Variants in NCKAP5 observed in about 807,000 individuals in gnomAD.
NCKAP5 encodes the protein NCK associated protein 5.
Under a neutral mutation model 167.0 loss-of-function variants are expected in NCKAP5, and 92 were observed. The ratio of observed to expected loss-of-function variants is 0.55; its 90% confidence interval spans 0.47 to 0.66. The LOEUF is 0.66. Among genes scored for constraint, NCKAP5 ranks in the 30% least tolerant of loss-of-function variants. NCKAP5 has a pLI of 0.00. For missense variants in NCKAP5, 2,378 were observed against 2,315.0 expected (o/e 1.03, Z -0.56); for synonymous variants, 891 against 877.4 (o/e 1.02, Z -0.27).
intron 13 of NCKAP5, among the ~76,000 whole-genome samples, chr2:132,787,588 A>G (rs973462789): frequency 5.3e-5 from 8 of 152,176 alleles, no homozygotes; most frequent in African/African-American, 1.9e-4. Flanking sequence ...CTTGCTATCA[A>G]CAACGCACAC....
At chr2:133,332,457 T>C (rs893800286) in intron 3 of NCKAP5, among the ~76,000 whole-genome samples, 1 of 152,162 alleles carries the variant, frequency 6.6e-6, no homozygotes, top group Non-Finnish European at 1.5e-5. Flanking sequence ...AATTTTCAGG[T>C]CTTTTTATGC....
chr2:132,920,767 GTATGTATATATATATATATA>G lies in NCKAP5; in HGVS notation c.580-41871_580-41852del, dbSNP rs1558943206. Among the ~76,000 whole-genome samples the G allele has an allele frequency of 1.2e-3, 37 of 31,252 alleles. 1 individual carries two copies. The highest frequency in any genetic ancestry group is 3.1e-3 in the Admixed American group (11 of 3,540). 20.5% of individuals were successfully genotyped at this position (31,252 alleles called of 152,430 possible). On this transcript the variant is annotated intron_variant, in intron 8 of 19. Transcript: ENST00000409261. ...TGTGTATATATATATGTATATATATGTATGTATATATATATATATATATATATATATATATATATATATAT... is the reference window on the plus strand; with the variant it reads ...TGTGTATATATATATGTATATATATGTATATATATATATATATATATATAT...
chr2:132,841,629 C>T lies in NCKAP5; in HGVS notation c.807+18863G>A, dbSNP rs142709292. On this transcript the variant is annotated intron_variant, in intron 11 of 19. Coordinates refer to ENST00000409261, the MANE Select transcript of NCKAP5 (RefSeq NM_207363.3). The stretch of plus-strand genomic sequence containing the variant: ...GATTTCTGTGTTTTGTTTGCCAGCA[C>T]ATTTGCTGTTTTTTTCTGTTGTTAT... Among the ~76,000 whole-genome samples, 798 of 147,150 alleles carry T rather than the reference C, an allele frequency of 5.4e-3. 11 individuals are homozygous for T. Among genetic ancestry groups the T allele is most frequent in the African/African-American group, 0.019 (769 of 41,262 alleles).
At chr2:133,359,162 C>A (rs1684928990) in intron 3 of NCKAP5, among the ~76,000 whole-genome samples, 1 of 152,086 alleles carries the variant, frequency 6.6e-6, no homozygotes, top group South Asian at 2.1e-4. Context: ...TAGCAGGCAC[C>A]TTGGTATTAT....
At chr2:133,335,607 T>C (rs1683158683) in intron 3 of NCKAP5, among the ~76,000 whole-genome samples, 1 of 152,166 alleles carries the variant, frequency 6.6e-6, no homozygotes, top group Non-Finnish European at 1.5e-5. Flanking sequence ...AAAAGTTAAA[T>C]AAAAATTTTT....
chr2:133,488,314 A>G (rs1425209627), intron 3 of NCKAP5, among the ~76,000 whole-genome samples: 4 of 152,138 alleles, frequency 2.6e-5, no homozygotes, highest in African/African-American at 9.7e-5. Context: ...AAATCAGAAG[A>G]CCTCTAGCAA....
At chr2:132,924,977 T>C (rs1695739436) in intron 8 of NCKAP5, among the ~76,000 whole-genome samples, 1 of 152,116 alleles carries the variant, frequency 6.6e-6, no homozygotes, top group African/African-American at 2.4e-5. Flanking sequence ...TGGCACCTTG[T>C]GATTTAGAAT....
intron 4 of NCKAP5, among the ~76,000 whole-genome samples, chr2:133,290,223 T>C (rs144686264): frequency 8.5e-5 from 13 of 152,360 alleles, no homozygotes; most frequent in African/African-American, 3.1e-4. Flanking sequence ...TCTACAATTG[T>C]TCTCTAATTT....
At chr2:133,286,713 T>C (rs1038529778) in intron 4 of NCKAP5, among the ~76,000 whole-genome samples, 1 of 152,140 alleles carries the variant, frequency 6.6e-6, no homozygotes, top group African/African-American at 2.4e-5. Context: ...AACTAGAATA[T>C]GTCCAACAGG....
intron 3 of NCKAP5, among the ~76,000 whole-genome samples, chr2:133,504,245 T>A (rs6736284): frequency 2.0e-4 from 19 of 94,176 alleles, no homozygotes; most frequent in African/African-American, 6.6e-4. Context: ...ATCCCTGGTG[T>A]ATCTGTTGTA....
At chr2:133,080,546 A>C (rs1476563528) in intron 6 of NCKAP5, among the ~76,000 whole-genome samples, 1 of 152,182 alleles carries the variant, frequency 6.6e-6, no homozygotes, top group East Asian at 1.9e-4. Flanking sequence ...GGCAGAGGTG[A>C]ATAGTTGCAA....
chr2:133,509,965 T>C (rs1683345063), intron 3 of NCKAP5, among the ~76,000 whole-genome samples: 1 of 152,142 alleles, frequency 6.6e-6, no homozygotes, highest in Non-Finnish European at 1.5e-5. Flanking sequence ...CTGCCTTCTT[T>C]TCAGAGATGA....
At chr2:133,640,017 A>G in the NCKAP5 span, among the ~76,000 whole-genome samples, 7 of 152,214 alleles carry the variant, frequency 4.6e-5, no homozygotes, top group African/African-American at 9.6e-5. Context: ...GTTTAAAAAT[A>G]TAGAAAACAA....
Position 132,783,094 on chromosome 2 carries a change from C to T in NCKAP5, c.3717G>A (p.Gly1239=), listed in dbSNP as rs1420249273. 1.8e-5 allele frequency: 29 copies of T among 1,613,772 alleles called. No individual in the cohort carries two copies. The highest frequency in any genetic ancestry group is 2.5e-5 in the Non-Finnish European group (29 of 1,179,826). The part of the protein sequence containing the change: ...LQEPLESSIP[G]SDGRDGVDNR... ...TATCTACCCCATCCCTTCCATCACT[C>T]CCAGGGATGCTACTTTCCAATGGCT... is the stretch of plus-strand genomic sequence containing the variant. The change falls in exon 14 of 20, where the codon GGG becomes GGA. Residue 1239 remains glycine (G), a synonymous_variant. Coordinates refer to ENST00000409261, the MANE Select transcript of NCKAP5 (RefSeq NM_207363.3).
At chr2:133,115,783 A>G (rs1373281765) in intron 6 of NCKAP5, among the ~76,000 whole-genome samples, 1,177 of 70,680 alleles carry the variant, frequency 0.017, 17 homozygotes, top group African/African-American at 0.051. Flanking sequence ...GTGTATATAT[A>G]TATATATATA....
intron 12 of NCKAP5, among the ~76,000 whole-genome samples, chr2:132,791,801 T>A (rs534770074): frequency 6.3e-4 from 96 of 152,378 alleles, no homozygotes; most frequent in African/African-American, 2.2e-3. Context: ...GTACTTGTGG[T>A]AAATATTAAA....
At chr2:133,642,720 C>T in the NCKAP5 span, among the ~76,000 whole-genome samples, 1 of 152,186 alleles carries the variant, frequency 6.6e-6, no homozygotes, top group African/African-American at 2.4e-5. Context: ...TTCAGTGCAA[C>T]CTCTATAAAG....
chr2:132,865,279 T>C (rs1690251867), intron 10 of NCKAP5, among the ~76,000 whole-genome samples: 1 of 152,070 alleles, frequency 6.6e-6, no homozygotes, highest in Non-Finnish European at 1.5e-5. Context: ...GCAAAATACA[T>C]ACTGCAAGTC....
chr2:133,317,340 A>G (rs1374364779), intron 3 of NCKAP5, among the ~76,000 whole-genome samples: 1 of 152,130 alleles, frequency 6.6e-6, no homozygotes, highest in East Asian at 1.9e-4. Context: ...CTCTTGGGCA[A>G]TCGTCTGTGT....
Sources: gnomAD v4.1 joint callset for allele counts (sites outside exome capture counted in the v4.1 genomes callset) on GRCh38, gnomAD v4.1.1 for gene constraint, MANE v1.5 for transcripts, NCBI Gene and HGNC (gene_info 2026-07-23, HGNC 2026-07-21) for gene names.